RBFOX3: variants seen among roughly 807,000 people sequenced by gnomAD.
RBFOX3 encodes RNA binding protein fox-1 homolog 3.
RBFOX3 carries 17 observed loss-of-function variants against 48.7 expected under a neutral mutation model. The ratio of observed to expected loss-of-function variants is 0.35; its 90% CI spans 0.24 to 0.52. The LOEUF (loss-of-function observed/expected upper bound fraction) is 0.52, where lower values mean the gene tolerates loss of function less well. Ranked by LOEUF, RBFOX3 falls within the 20% of genes least tolerant of loss-of-function variation. The probability of loss-of-function intolerance (pLI) is 0.94; values close to 1 mark genes in which losing one functional copy is unlikely to be tolerated. For synonymous variants in RBFOX3, 212 were observed against 209.5 expected, an observed-to-expected ratio of 1.01 and a Z score of -0.10; for missense variants, 382 against 497.5, an observed-to-expected ratio of 0.77 and a Z score of 2.21.
rs190809558 is a variant in RBFOX3 at position 79,119,984 on chromosome 17, C to T, written c.-33-4236G>A. 3.1e-3 allele frequency among the ~76,000 whole-genome samples: 470 copies of T among 152,326 alleles called. 4 individuals are homozygous for T. Among genetic ancestry groups the T allele is most frequent in the African/African-American group, 0.011 (454 of 41,560 alleles). On this transcript the variant is annotated intron_variant, in intron 4 of 14. Coordinates refer to ENST00000693108, the MANE Select transcript of RBFOX3 (RefSeq NM_001350451.2). Reference sequence around the variant, plus strand: ...CCCATCCTGATAGGGTACGTGAATGCCCAGCACACAGAAGGCTGTGCAGCC... The same window carrying T: ...CCCATCCTGATAGGGTACGTGAATGTCCAGCACACAGAAGGCTGTGCAGCC...
chr17:79,177,718 G>A (rs1195691506), intron 4 of RBFOX3, among the ~76,000 whole-genome samples: 3 of 152,318 alleles, frequency 2.0e-5, no homozygotes, highest in East Asian at 1.9e-4. Flanking sequence ...GGCAGGGGTC[G>A]GGGAGATTTT....
At chr17:79,191,269 T>C (rs1000301043) in intron 4 of RBFOX3, among the ~76,000 whole-genome samples, 3 of 152,184 alleles carry the variant, frequency 2.0e-5, no homozygotes, top group African/African-American at 4.8e-5. Flanking sequence ...GAGGGAATGG[T>C]GGCCCGGGGG....
chr17:79,640,210 C>T, the RBFOX3 span, among the ~76,000 whole-genome samples: 1 of 152,030 alleles, frequency 6.6e-6, no homozygotes. Context: ...TAATCCCATT[C>T]ACAATAGCAA....
chr17:79,474,780 C>A (rs1408720368), intron 2 of RBFOX3, among the ~76,000 whole-genome samples: 1 of 152,186 alleles, frequency 6.6e-6, no homozygotes, highest in African/African-American at 2.4e-5. Context: ...CACTGGCCTG[C>A]CTCACCACCA....
At position 79,610,927 on chromosome 17, in the gene RBFOX3, A is replaced by T. The variant is rs1471075610; in HGVS notation, c.-421T>A. On this transcript the variant is annotated 5_prime_UTR_variant, in exon 1 of 15. Transcript: ENST00000693108. ...AGCGGCGTCCTGGGGCCGCACAGGCACCGGCGAGCCAGCGGCAAGGGGCGC... is the reference window on the plus strand; with the variant it reads ...AGCGGCGTCCTGGGGCCGCACAGGCTCCGGCGAGCCAGCGGCAAGGGGCGC... 1.2e-4 allele frequency among the ~76,000 whole-genome samples: 18 copies of T among 151,114 alleles called. No homozygotes were observed. The highest frequency in any genetic ancestry group is 3.3e-4 in the Admixed American group (5 of 15,162).
At chr17:79,476,509 A>G (rs1743791487) in intron 2 of RBFOX3, among the ~76,000 whole-genome samples, 1 of 152,376 alleles carries the variant, frequency 6.6e-6, no homozygotes, top group East Asian at 1.9e-4. Flanking sequence ...GGTCTGTGAC[A>G]TCTGTCTAGA....
At chr17:79,108,461 C>T (rs551867898) in intron 5 of RBFOX3, among the ~76,000 whole-genome samples, 5 of 152,222 alleles carry the variant, frequency 3.3e-5, no homozygotes, top group Non-Finnish European at 5.9e-5. Context: ...GGGCATCTGT[C>T]GCGGGCAACC....
chr17:79,216,607 C>A (rs563411890), intron 4 of RBFOX3, among the ~76,000 whole-genome samples: 3 of 152,158 alleles, frequency 2.0e-5, no homozygotes, highest in South Asian at 2.1e-4. Context: ...ACAGGCCCCA[C>A]GGCTGGTGTG....
chr17:79,093,701 G>A (rs541823275), intron 14 of RBFOX3, among the ~76,000 whole-genome samples: 98 of 152,174 alleles, frequency 6.4e-4, no homozygotes, highest in East Asian at 3.5e-3. Context: ...TTCACACCCC[G>A]GGGCTGGGGC....
intron 1 of RBFOX3, among the ~76,000 whole-genome samples, chr17:79,590,229 C>T (rs1047446942): frequency 1.1e-4 from 17 of 152,102 alleles, no homozygotes; most frequent in African/African-American, 4.1e-4. Context: ...GACAGACACG[C>T]GCCAAGATAG....
chr17:79,596,091 T>C (rs1335776541), intron 1 of RBFOX3, among the ~76,000 whole-genome samples: 7 of 151,886 alleles, frequency 4.6e-5, no homozygotes, highest in African/African-American at 1.7e-4. Context: ...TATCTACTCC[T>C]CATTCCAAGC....
intron 4 of RBFOX3, among the ~76,000 whole-genome samples, chr17:79,159,668 G>A (rs944883097): frequency 2.0e-5 from 3 of 152,166 alleles, no homozygotes; most frequent in Middle Eastern, 3.2e-3. Context: ...CCGTGCCCAC[G>A]CCTGGGCTGC....
At chr17:79,376,046 G>A (rs1231837586) in intron 2 of RBFOX3, among the ~76,000 whole-genome samples, 1 of 152,150 alleles carries the variant, frequency 6.6e-6, no homozygotes, top group Non-Finnish European at 1.5e-5. Flanking sequence ...ATGTAGAGAC[G>A]ATTCTCGTCC....
intron 3 of RBFOX3, among the ~76,000 whole-genome samples, chr17:79,283,154 G>A (rs1182560059): frequency 2.0e-5 from 3 of 152,142 alleles, no homozygotes; most frequent in Non-Finnish European, 4.4e-5. Flanking sequence ...AACAGGAGCA[G>A]CCTCCGTTAG....
rs918284135 is a variant in RBFOX3, at chr17:79,198,178, G to A, written c.-34+37588C>T. Among the ~76,000 whole-genome samples the A allele has an allele frequency of 3.3e-5, 5 of 152,154 alleles. No homozygotes were observed. Among genetic ancestry groups the A allele is most frequent in the African/African-American group, 7.2e-5 (3 of 41,488 alleles). ...TGGGCTGTCATCCCGGAAGTGCTAC[G>A]GTTGCATCGCTGGACCATCCTCAAC... On this transcript the variant is annotated intron_variant, in intron 4 of 14. Transcript: ENST00000693108. The surrounding 1 kb of genome is among the most constrained non-coding windows in gnomAD (Gnocchi z 8.2).
chr17:79,108,652 C>T (rs897010036), intron 5 of RBFOX3, among the ~76,000 whole-genome samples: 3 of 152,250 alleles, frequency 2.0e-5, no homozygotes, highest in African/African-American at 7.2e-5. Context: ...TGTCGCCGCC[C>T]CCAGCACGGC....
At chr17:79,142,320 C>T (rs1168294654) in intron 4 of RBFOX3, among the ~76,000 whole-genome samples, 7 of 152,114 alleles carry the variant, frequency 4.6e-5, no homozygotes, top group Admixed American at 3.3e-4. Context: ...GGAGCAGCCC[C>T]GTTGGAGAGG....
chr17:79,275,249 C>A (rs2068570239), intron 3 of RBFOX3, among the ~76,000 whole-genome samples: 1 of 151,730 alleles, frequency 6.6e-6, no homozygotes, highest in Non-Finnish European at 1.5e-5. Context: ...CCAGATTCTT[C>A]TGACCTTCCC....
At chr17:79,387,723 G>A (rs1343754027) in intron 2 of RBFOX3, among the ~76,000 whole-genome samples, 2 of 152,346 alleles carry the variant, frequency 1.3e-5, no homozygotes, top group African/African-American at 4.8e-5. Context: ...GGGAGCAGGA[G>A]GAAGATTCTT....
Sources: gnomAD v4.1 joint callset for allele counts (sites outside exome capture counted in the v4.1 genomes callset) on GRCh38, gnomAD v4.1.1 for gene constraint, Gnocchi (gnomAD v3.1) non-coding constraint, MANE v1.5 for transcripts, NCBI Gene and HGNC (gene_info 2026-07-23, HGNC 2026-07-21) for gene names.